The following ITM2B variants were observed in gnomAD, a reference collection of about 807,000 sequenced individuals.
ITM2B encodes the protein ABri/ADan amyloid peptide.
Under a neutral mutation model 27.8 loss-of-function variants are expected in ITM2B, and 11 were observed. The ratio of observed to expected loss-of-function variants is 0.40; its 90% CI spans 0.25 to 0.66. The LOEUF (loss-of-function observed/expected upper bound fraction) is 0.66, where lower values mean the gene tolerates loss of function less well. ITM2B is among the 30% of genes least tolerant of loss of function. The pLI, the probability that ITM2B is intolerant of heterozygous loss-of-function variation, is 0.43. For synonymous variants in ITM2B, 114 were observed against 114.3 expected, an observed-to-expected ratio of 1.00 and a Z score of 0.02; for missense variants, 296 against 328.9, an observed-to-expected ratio of 0.90 and a Z score of 0.77.
In ITM2B at chr13:48,238,520, C is replaced by G. The variant is rs187163542; in HGVS notation, c.117+5043C>G. ...GGTAGAGATATATTCTGATTTTTCA[C>G]TTAATGTTTTATCTTTCAGTACTGA... On this transcript the variant is annotated intron_variant, in intron 1 of 5. Coordinates refer to ENST00000647800, the MANE Select transcript of ITM2B (RefSeq NM_021999.5). 5.3e-5 allele frequency among the ~76,000 whole-genome samples: 8 copies of G among 152,156 alleles called. No individual in the cohort carries two copies. The East Asian group carries it at 1.5e-3, about 29-fold the overall frequency.
At chr13:48,259,955 C>T (rs1951812258) in intron 5 of ITM2B, among the ~76,000 whole-genome samples, 1 of 151,992 alleles carries the variant, frequency 6.6e-6, no homozygotes, top group African/African-American at 2.4e-5. Context: ...ACCCATCAAC[C>T]TGTCACCAAA....
chr13:48,257,303 A>G (rs1951795545), intron 3 of ITM2B, among the ~76,000 whole-genome samples: 1 of 152,198 alleles, frequency 6.6e-6, no homozygotes, highest in Admixed American at 6.5e-5. Flanking sequence ...TGTATTTAAT[A>G]TGTTTACATT....
intron 5 of ITM2B, among the ~76,000 whole-genome samples, chr13:48,260,841 G>A (rs1951817733): frequency 6.6e-6 from 1 of 152,020 alleles, no homozygotes; most frequent in Non-Finnish European, 1.5e-5. Flanking sequence ...GATACACAAG[G>A]TCTTGCAAGC....
At chr13:48,254,982 T>G (rs1221214819) in intron 2 of ITM2B, 1 of 151,908 alleles carries the variant, frequency 6.6e-6, no homozygotes, top group Non-Finnish European at 1.5e-5. Context: ...TTCAGGCAAT[T>G]CTCCTGCCTC....
chr13:48,236,452 G>A (rs1277823528), intron 1 of ITM2B, among the ~76,000 whole-genome samples: 1 of 152,212 alleles, frequency 6.6e-6, no homozygotes. Context: ...TCTGTAAGAT[G>A]AGAGGGTAGG....
intron 1 of ITM2B, among the ~76,000 whole-genome samples, chr13:48,244,904 A>G (rs891869335): frequency 1.3e-4 from 20 of 152,230 alleles, no homozygotes; most frequent in Admixed American, 5.2e-4. Context: ...TTAACAATAA[A>G]TAACATTTGT....
chr13:48,269,444 C>G lies in ITM2B; in HGVS notation c.*8220C>G, dbSNP rs1951871791. On this transcript the variant is annotated 3_prime_UTR_variant, in exon 6 of 6. Coordinates refer to ENST00000647800, the MANE Select transcript of ITM2B (RefSeq NM_021999.5). ...ATCTAAGCCACATCATGTCACTCCC[C>G]TGCTCAAATCCCAACATTTTATTCA... 6.6e-6 allele frequency: 1 copy of G among 151,280 alleles called. No individual in the cohort carries two copies. Among genetic ancestry groups the G allele is most frequent in the African/African-American group, 2.4e-5 (1 of 41,380 alleles). 9.4% of individuals were successfully genotyped at this position (151,280 alleles called of 1,614,324 possible).
At chr13:48,250,896 G>T (rs2137988745) in intron 1 of ITM2B, among the ~76,000 whole-genome samples, 1 of 152,220 alleles carries the variant, frequency 6.6e-6, no homozygotes, top group East Asian at 1.9e-4. Context: ...ATAGGTTTGG[G>T]GTCTATAATT....
At chr13:48,258,988 C>G (rs746417657) in intron 5 of ITM2B, 41 bp downstream of exon 5, 120 of 1,508,256 alleles carry the variant, frequency 8.0e-5, no homozygotes, top group Non-Finnish European at 1.1e-4. Context: ...CAGAAAAGTT[C>G]ATTGCATTAA....
intron 1 of ITM2B, among the ~76,000 whole-genome samples, chr13:48,252,246 CAT>C (rs1458868116): frequency 2.0e-5 from 3 of 152,198 alleles, no homozygotes; most frequent in Non-Finnish European, 4.4e-5. Flanking sequence ...GAATTAAAAA[CAT>C]ATAATCTTAG....
intron 1 of ITM2B, among the ~76,000 whole-genome samples, chr13:48,234,087 C>CT (rs536285852): frequency 3.8e-4 from 58 of 152,202 alleles, no homozygotes; most frequent in African/African-American, 1.4e-3. Flanking sequence ...TTTGGGCTGT[C>CT]TCTTACCATT....
chr13:48,236,585 C>G lies in ITM2B; in HGVS notation c.117+3108C>G, dbSNP rs923644143. ...GAAAAATAGCAACTACCTCCTCACT[C>G]TAACCAGACTATTCCCTTTCTTCCT... On this transcript the variant is annotated intron_variant, in intron 1 of 5. Transcript: ENST00000647800. Among the ~76,000 whole-genome samples the G allele has an allele frequency of 4.6e-5, 7 of 152,340 alleles. No homozygotes were observed. In the East Asian group the frequency reaches 1.3e-3, roughly 29 times the overall value.
At chr13:48,250,095 G>C (rs9526465) in intron 1 of ITM2B, among the ~76,000 whole-genome samples, 37,111 of 152,042 alleles carry the variant, frequency 0.24, 4,624 homozygotes, top group South Asian at 0.31. Context: ...GCTCAAAGTA[G>C]GAGCCATGTC....
rs566678648 is a variant in ITM2B, at chr13:48,263,763, GA to G, written c.*2540del. On this transcript the variant is annotated 3_prime_UTR_variant, in exon 6 of 6. Transcript: ENST00000647800. ...CTTCTCTCTGTGACCTTATATCACA[GA>G]TGACTCTGGGTTCCTCTTACAAGGA... The G allele has an allele frequency of 1.3e-5, 2 of 152,218 alleles. No homozygotes were observed. The highest frequency in any genetic ancestry group is 4.1e-4 in the South Asian group (2 of 4,820). 9.4% of individuals were successfully genotyped at this position (152,218 alleles called of 1,614,324 possible). A position where few individuals can be genotyped will look rare whatever the true frequency, so the allele number is the denominator to read the frequency against.
At position 48,253,859 on chromosome 13, in the gene ITM2B, A is replaced by C. The variant is rs149490262; in HGVS notation, c.169A>C (p.Met57Leu). Residue 57 changes from methionine to leucine, a missense_variant, in exon 2 of 6, where the codon ATG becomes CTG. Coordinates refer to ENST00000647800, the MANE Select transcript of ITM2B (RefSeq NM_021999.5). ...CCAAAGAAGAGCCTGGTGTTGGTGC[A>C]TGTGCTTTGGACTAGCATTTATGCT... is the stretch of plus-strand genomic sequence containing the variant. ...VGQRRAWCWC[M>L]CFGLAFMLAG... 3.1e-6 allele frequency: 5 copies of C among 1,613,424 alleles called. No homozygotes were observed. Among genetic ancestry groups the C allele is most frequent in the African/African-American group, 1.3e-5 (1 of 74,898 alleles).
intron 3 of ITM2B, among the ~76,000 whole-genome samples, chr13:48,257,082 A>G (rs1166711072): frequency 6.6e-6 from 1 of 152,254 alleles, no homozygotes; most frequent in East Asian, 1.9e-4. Context: ...ACATATATAC[A>G]TATGTTAAAA....
chr13:48,243,516 A>T (rs1164607444), intron 1 of ITM2B, among the ~76,000 whole-genome samples: 1 of 152,106 alleles, frequency 6.6e-6, no homozygotes, highest in Non-Finnish European at 1.5e-5. Flanking sequence ...ATTTAAGTAA[A>T]CCTTTTACAA....
intron 1 of ITM2B, among the ~76,000 whole-genome samples, chr13:48,237,782 C>T (rs928695078): frequency 5.3e-5 from 8 of 152,056 alleles, no homozygotes; most frequent in Non-Finnish European, 7.4e-5. Flanking sequence ...AAATGTCTGG[C>T]GTGTCTATTC....
chr13:48,256,333 C>T lies in ITM2B; in HGVS notation c.403C>T (p.Pro135Ser), dbSNP rs200085682. 8 of 1,613,996 alleles carry T rather than the reference C, an allele frequency of 5.0e-6. No homozygotes were observed. Among genetic ancestry groups the T allele is most frequent in the East Asian group, 2.2e-5 (1 of 44,870 alleles). Reference protein sequence around the residue: ...EEVEFISVPVPEFADSDPANI... With the variant: ...EEVEFISVPVSEFADSDPANI... ...AGTTGAATTTATCAGTGTGCCTGTCCCAGAGTTTGCAGATAGTGATCCTGC... is the reference window on the plus strand; with the variant it reads ...AGTTGAATTTATCAGTGTGCCTGTCTCAGAGTTTGCAGATAGTGATCCTGC... Residue 135 changes from proline (P) to serine (S), a missense_variant, in exon 3 of 6, where the codon CCA (proline) becomes TCA (serine). Pro to Ser is a moderately conservative substitution (Grantham distance 74). Coordinates refer to ENST00000647800, the MANE Select transcript of ITM2B (RefSeq NM_021999.5).
Sources: allele counts gnomAD v4.1 joint callset (sites outside exome capture counted in the v4.1 genomes callset), GRCh38; gene constraint gnomAD v4.1.1; transcripts MANE v1.5; gene names NCBI Gene and HGNC (gene_info 2026-07-23, HGNC 2026-07-21).